The following SH3RF1 variants were observed in gnomAD, a reference collection of about 807,000 sequenced individuals.
SH3RF1 encodes the protein E3 ubiquitin-protein ligase SH3RF1.
Under a neutral mutation model 74.0 loss-of-function variants are expected in SH3RF1, and 32 were observed. The ratio of observed to expected loss-of-function variants is 0.43; its 90% confidence interval spans 0.33 to 0.58. SH3RF1 has a LOEUF of 0.58. Among genes scored for constraint, SH3RF1 ranks in the 20% least tolerant of loss-of-function variants. The probability of loss-of-function intolerance (pLI) is 0.05; values close to 1 mark genes in which losing one functional copy is unlikely to be tolerated. For missense variants in SH3RF1, 954 were observed against 1,130.9 expected (o/e 0.84, Z 2.24); for synonymous variants, 396 against 439.6 (o/e 0.90, Z 1.24).
chr4:169,135,966 G>C (rs1424036384), intron 5 of SH3RF1, among the ~76,000 whole-genome samples: 1 of 152,178 alleles, frequency 6.6e-6, no homozygotes, highest in Admixed American at 6.5e-5. Flanking sequence ...TTAAATCTGG[G>C]TGGAGATAAA....
chr4:169,242,390 G>A (rs1018342486), intron 2 of SH3RF1, among the ~76,000 whole-genome samples: 2 of 152,074 alleles, frequency 1.3e-5, no homozygotes, highest in Non-Finnish European at 1.5e-5. Context: ...ATCCCCAGTG[G>A]AAAAAGAGAT....
At chr4:169,126,292 G>T (rs1284719866) in intron 6 of SH3RF1, among the ~76,000 whole-genome samples, 1 of 152,154 alleles carries the variant, frequency 6.6e-6, no homozygotes, top group Non-Finnish European at 1.5e-5. Context: ...TGGAATAAGA[G>T]GTCTCAGTTC....
At chr4:169,265,586 G>T (rs939981022) in intron 2 of SH3RF1, among the ~76,000 whole-genome samples, 4 of 152,174 alleles carry the variant, frequency 2.6e-5, no homozygotes, top group African/African-American at 9.7e-5. Flanking sequence ...CGATTCTCCA[G>T]CCTTGGCCTC....
At position 169,096,345 on chromosome 4, in the gene SH3RF1, A is replaced by T; in HGVS notation, c.*174T>A. 29 of 631,552 alleles carry T rather than the reference A, an allele frequency of 4.6e-5. No individual in the cohort carries two copies. Among genetic ancestry groups the T allele is most frequent in the Non-Finnish European group, 6.1e-5 (23 of 374,440 alleles). 39.1% of individuals were successfully genotyped at this position (631,552 alleles called of 1,614,324 possible). A position where few individuals can be genotyped will look rare whatever the true frequency, so the allele number is the denominator to read the frequency against. On this transcript the variant is annotated 3_prime_UTR_variant, in exon 12 of 12. Transcript: ENST00000284637. The stretch of plus-strand genomic sequence containing the variant: ...ATCCAGACTAACAAAACCCACACAA[A>T]CATCTTCTTCATTCTGCTCGCTGGG...
At chr4:169,122,810 T>G (rs1733463460) in intron 6 of SH3RF1, among the ~76,000 whole-genome samples, 1 of 152,170 alleles carries the variant, frequency 6.6e-6, no homozygotes, top group African/African-American at 2.4e-5. Context: ...TTGCTACTTT[T>G]GCTTATTCTT....
chr4:169,187,012 CAA>C (rs11435790), intron 2 of SH3RF1, among the ~76,000 whole-genome samples: 2 of 127,504 alleles, frequency 1.6e-5, no homozygotes. Flanking sequence ...GGCTCCATCG[CAA>C]AAAAAAAAAA....
At chr4:169,247,664 T>C (rs1352064862) in intron 2 of SH3RF1, among the ~76,000 whole-genome samples, 1 of 152,172 alleles carries the variant, frequency 6.6e-6, no homozygotes, top group Non-Finnish European at 1.5e-5. Context: ...AAAGGGGTTG[T>C]GGATCTTGCG....
intron 2 of SH3RF1, among the ~76,000 whole-genome samples, chr4:169,265,367 A>T (rs1731335661): frequency 6.6e-6 from 1 of 152,222 alleles, no homozygotes; most frequent in African/African-American, 2.4e-5. Context: ...TGGATGAATA[A>T]ATTTGCTGTG....
intron 2 of SH3RF1, among the ~76,000 whole-genome samples, chr4:169,251,556 CA>C: frequency 6.6e-6 from 1 of 152,350 alleles, no homozygotes; most frequent in East Asian, 1.9e-4. Context: ...TCATGGTTCA[CA>C]AAGCCTCTGA....
At chr4:169,188,759 G>A (rs1734652231) in intron 2 of SH3RF1, among the ~76,000 whole-genome samples, 1 of 152,170 alleles carries the variant, frequency 6.6e-6, no homozygotes, top group Non-Finnish European at 1.5e-5. Context: ...ATGCAGAAGT[G>A]GCCAAAATTG....
At chr4:169,205,810 C>T (rs1730245985) in intron 2 of SH3RF1, among the ~76,000 whole-genome samples, 1 of 152,148 alleles carries the variant, frequency 6.6e-6, no homozygotes, top group Non-Finnish European at 1.5e-5. Context: ...TTCTCAACCA[C>T]AGATATAGAC....
At chr4:169,250,905 C>G (rs1453606616) in intron 2 of SH3RF1, among the ~76,000 whole-genome samples, 1 of 152,068 alleles carries the variant, frequency 6.6e-6, no homozygotes, top group Non-Finnish European at 1.5e-5. Flanking sequence ...CATGTTGAGA[C>G]CTGGGTAAAA....
At chr4:169,199,845 C>A (rs747997756) in intron 2 of SH3RF1, among the ~76,000 whole-genome samples, 1 of 151,946 alleles carries the variant, frequency 6.6e-6, no homozygotes, top group African/African-American at 2.4e-5. Context: ...TCAGCAAGCA[C>A]GACACATGTA....
chr4:169,149,788 T>A (rs145894569), intron 4 of SH3RF1, among the ~76,000 whole-genome samples: 4 of 152,372 alleles, frequency 2.6e-5, no homozygotes, highest in African/African-American at 9.6e-5. Context: ...TATCTTTTTA[T>A]ATAGTTCAAT....
At chr4:169,096,829 C>T (rs1034651819) in intron 11 of SH3RF1, 142 bp from the exon 12 acceptor site, 16 of 831,292 alleles carry the variant, frequency 1.9e-5, no homozygotes, top group Middle Eastern at 3.0e-4. Flanking sequence ...CAAAATACTG[C>T]TATTTTCTGT....
At chr4:169,150,914 T>TA (rs1036486061) in intron 4 of SH3RF1, among the ~76,000 whole-genome samples, 6 of 152,140 alleles carry the variant, frequency 3.9e-5, no homozygotes, top group Admixed American at 6.5e-5. Context: ...GCCTAGTTTT[T>TA]AAAAAAACAG....
At chr4:169,231,789 T>C (rs1209831425) in intron 2 of SH3RF1, among the ~76,000 whole-genome samples, 2 of 152,204 alleles carry the variant, frequency 1.3e-5, no homozygotes, top group Non-Finnish European at 2.9e-5. Flanking sequence ...TTTCAATTAC[T>C]GACTCATTCA....
rs773663419 is a variant in SH3RF1 at position 169,116,462 on chromosome 4, A to T, written c.1946T>A (p.Ile649Asn). The change falls in exon 10 of 12, where the codon ATC becomes AAC. Residue 649 changes from isoleucine (I) to asparagine (N), a missense_variant. By Grantham distance (149) the Ile-to-Asn change is moderately radical (BLOSUM62 -3). Around this residue, in one of 3 missense-constraint regions of SH3RF1, gnomAD observed 854 missense variants for 962.5 expected, o/e 0.89. Transcript: ENST00000284637. ...GSATHTAAIS[I>N]SRASAPLACA... The stretch of plus-strand genomic sequence containing the variant: ...GGCCAGAGGGGCACTGGCTCGACTG[A>T]TACTGATGGCAGCAGTGTGCGTGGC... The T allele has an allele frequency of 3.1e-6, 5 of 1,614,024 alleles. No individual in the cohort carries two copies. Among genetic ancestry groups the T allele is most frequent in the Non-Finnish European group, 4.2e-6 (5 of 1,179,980 alleles).
At chr4:169,229,030 T>C (rs939845525) in intron 2 of SH3RF1, among the ~76,000 whole-genome samples, 1 of 152,130 alleles carries the variant, frequency 6.6e-6, no homozygotes, top group African/African-American at 2.4e-5. Flanking sequence ...TTTATTTTTT[T>C]AAAAAAAGGC....
Sources: gnomAD v4.1 joint callset for allele counts (sites outside exome capture counted in the v4.1 genomes callset) on GRCh38, gnomAD v4.1.1 for gene constraint, gnomAD v4.1.1 regional missense constraint, MANE v1.5 for transcripts, NCBI Gene and HGNC (gene_info 2026-07-23, HGNC 2026-07-21) for gene names.